TBC1D23: variants seen among roughly 807,000 people sequenced by gnomAD.
The protein encoded by TBC1D23 is HCV non-structural protein 4A-transactivated protein 1.
TBC1D23 carries 55 observed loss-of-function variants against 91.4 expected under a neutral mutation model. The observed-to-expected ratio is 0.60, with a 90% CI of 0.48 to 0.75. The LOEUF (loss-of-function observed/expected upper bound fraction) is 0.75. TBC1D23 is among the 30% of genes least tolerant of loss of function. The probability of loss-of-function intolerance (pLI) is 0.00; values close to 1 mark genes in which losing one functional copy is unlikely to be tolerated. For missense variants in TBC1D23, 725 were observed against 836.1 expected (o/e 0.87, Z 1.64); for synonymous variants, 289 against 281.0 (o/e 1.03, Z -0.28).
At chr3:100,312,752 T>G (rs1336426201) in intron 15 of TBC1D23, among the ~76,000 whole-genome samples, 1 of 152,176 alleles carries the variant, frequency 6.6e-6, no homozygotes, top group Non-Finnish European at 1.5e-5. Flanking sequence ...AGTCATATTT[T>G]CAATGTAAGT....
chr3:100,322,447 C>T (rs1705876800), intron 18 of TBC1D23, among the ~76,000 whole-genome samples: 1 of 152,100 alleles, frequency 6.6e-6, no homozygotes, highest in South Asian at 2.1e-4. Flanking sequence ...ATAAGGATTT[C>T]TCAGGAGATT....
chr3:100,267,155 T>C, intron 1 of TBC1D23: 1 of 382,252 alleles, frequency 2.6e-6, no homozygotes, highest in Non-Finnish European at 5.2e-6. Context: ...TTTTGGAAAT[T>C]ACAGGCTCTA....
intron 10 of TBC1D23, 62 bp from the exon 11 acceptor site, chr3:100,302,005 A>C (rs1236635939): frequency 1.4e-6 from 2 of 1,389,984 alleles, no homozygotes; most frequent in Non-Finnish European, 2.0e-6. Flanking sequence ...AAAAATTTCA[A>C]ATTTACAAAT....
intron 13 of TBC1D23, among the ~76,000 whole-genome samples, chr3:100,310,035 A>C (rs1332785068): frequency 3.9e-5 from 6 of 152,226 alleles, no homozygotes; most frequent in Non-Finnish European, 8.8e-5. Context: ...TGGAGGCTAA[A>C]AGTCCAAGAT....
intron 8 of TBC1D23, 76 bp downstream of exon 8, chr3:100,296,351 G>T: frequency 1.2e-6 from 1 of 814,564 alleles, no homozygotes; most frequent in Non-Finnish European, 1.9e-6. Context: ...ATTCACTTTA[G>T]TTAAAATAGG....
intron 15 of TBC1D23, among the ~76,000 whole-genome samples, chr3:100,312,644 C>T (rs1189469974): frequency 4.6e-5 from 7 of 151,978 alleles, no homozygotes; most frequent in Admixed American, 4.6e-4. Flanking sequence ...CAGAATTTTT[C>T]AGCAATTTAA....
At chr3:100,261,205 C>A in intron 1 of TBC1D23, 134 bp downstream of exon 1, 3 of 815,630 alleles carry the variant, frequency 3.7e-6, no homozygotes, top group South Asian at 1.6e-5. Flanking sequence ...GTGCCCTGCC[C>A]TACCCCTCTG....
At chr3:100,321,077 A>G in intron 18 of TBC1D23, 106 bp downstream of exon 18, 2 of 820,280 alleles carry the variant, frequency 2.4e-6, no homozygotes, top group Non-Finnish European at 3.7e-6. Context: ...GGATGGTGGA[A>G]TAGGATAGCT....
Position 100,323,605 on chromosome 3 carries a change from A to G in TBC1D23, c.2037A>G (p.Ala679=). The change falls in exon 19 of 19, where the codon GCA becomes GCG. Residue 679 remains alanine, a synonymous_variant. Coordinates refer to ENST00000394144, the MANE Select transcript of TBC1D23 (RefSeq NM_001199198.3). ...LAIERYLIPN[A]GDATKAIKQQ... ...CCCTTAGGTATTTGATTCCAAATGC[A>G]GGGGATGCAACTAAAGCCATAAAAC... is the stretch of plus-strand genomic sequence containing the variant. The G allele has an allele frequency of 6.6e-7, 1 of 1,518,842 alleles. No individual in the cohort carries two copies. The allele number at this position is 1,518,842 out of a possible 1,614,324, so 94.1% of individuals were successfully genotyped here. A position where few individuals can be genotyped will look rare whatever the true frequency, so the allele number is the denominator to read the frequency against.
chr3:100,261,029 G>A lies in TBC1D23; in HGVS notation c.11G>A (p.Gly4Glu), dbSNP rs753896969. Residue 4 changes from glycine (G) to glutamate (E), a missense_variant, in exon 1 of 19, where the codon GGA becomes GAA. Transcript: ENST00000394144. MAE[G>E]EDVPPLPTSS... ...TGGACGTCAACAGCAATGGCGGAAGGAGAAGATGTGCCGCCGCTGCCAACG... is the reference window on the plus strand; with the variant it reads ...TGGACGTCAACAGCAATGGCGGAAGAAGAAGATGTGCCGCCGCTGCCAACG... 4 of 1,613,948 alleles carry A rather than the reference G, an allele frequency of 2.5e-6. No individual in the cohort carries two copies. Among genetic ancestry groups the A allele is most frequent in the Admixed American group, 1.7e-5 (1 of 60,006 alleles).
chr3:100,323,351 A>G (rs1213911158), intron 18 of TBC1D23, among the ~76,000 whole-genome samples: 1 of 152,192 alleles, frequency 6.6e-6, no homozygotes, highest in African/African-American at 2.4e-5. Context: ...GCTTTACACT[A>G]TATGAAAAAT....
chr3:100,286,112 A>G (rs538632900), intron 4 of TBC1D23, among the ~76,000 whole-genome samples: 1 of 152,304 alleles, frequency 6.6e-6, no homozygotes, highest in South Asian at 2.1e-4. Flanking sequence ...ATGTAAGGAA[A>G]ACAGACTTAA....
intron 8 of TBC1D23, 68 bp from the exon 9 acceptor site, chr3:100,297,855 T>G: frequency 7.4e-7 from 1 of 1,357,706 alleles, no homozygotes; most frequent in Non-Finnish European, 1.0e-6. Flanking sequence ...CATGGTTTAA[T>G]AAGAATATTT....
At chr3:100,264,359 C>A (rs2067541580) in intron 1 of TBC1D23, among the ~76,000 whole-genome samples, 1 of 140,468 alleles carries the variant, frequency 7.1e-6, no homozygotes, top group Admixed American at 7.6e-5. Context: ...TTTATTTTAA[C>A]TCTGTCAGAT....
chr3:100,275,132 T>G (rs1454479020), intron 1 of TBC1D23, among the ~76,000 whole-genome samples: 1 of 152,228 alleles, frequency 6.6e-6, no homozygotes, highest in Non-Finnish European at 1.5e-5. Flanking sequence ...TGCGTCATTT[T>G]GCATTTCCAC....
intron 15 of TBC1D23, among the ~76,000 whole-genome samples, chr3:100,312,390 T>A (rs1411162640): frequency 6.6e-6 from 1 of 152,194 alleles, no homozygotes; most frequent in Non-Finnish European, 1.5e-5. Flanking sequence ...CATATATAAA[T>A]CTCTTCCAAG....
intron 17 of TBC1D23, among the ~76,000 whole-genome samples, chr3:100,320,196 A>G (rs1313515507): frequency 6.6e-6 from 1 of 151,980 alleles, no homozygotes. Context: ...AGAATGTTCC[A>G]CATTCTGCAC....
chr3:100,302,711 C>A (rs552187672), intron 11 of TBC1D23, among the ~76,000 whole-genome samples: 1 of 152,128 alleles, frequency 6.6e-6, no homozygotes, highest in East Asian at 1.9e-4. Context: ...CTTAGCCTCT[C>A]GAGTAGCTGG....
chr3:100,293,937 T>A (rs1332338986), intron 5 of TBC1D23, among the ~76,000 whole-genome samples: 1 of 152,234 alleles, frequency 6.6e-6, no homozygotes, highest in East Asian at 1.9e-4. Context: ...TAGTTTAGTA[T>A]TAGCTTAGTA....
Sources: allele counts gnomAD v4.1 joint callset (sites outside exome capture counted in the v4.1 genomes callset), GRCh38; gene constraint gnomAD v4.1.1; transcripts MANE v1.5; gene names NCBI Gene and HGNC (gene_info 2026-07-23, HGNC 2026-07-21).